SGF29: variants seen among roughly 807,000 people sequenced by gnomAD.
SGF29 encodes SAGA complex associated factor 29, also known as SAGA-associated factor 29.
Under a neutral mutation model 38.1 loss-of-function variants are expected in SGF29, and 15 were observed. The ratio of observed to expected loss-of-function variants is 0.39; its 90% CI spans 0.26 to 0.61. The LOEUF (loss-of-function observed/expected upper bound fraction) is 0.61, where lower values mean the gene tolerates loss of function less well. Ranked by LOEUF, SGF29 falls within the 20% of genes least tolerant of loss-of-function variation. The probability of loss-of-function intolerance (pLI) is 0.49; values close to 1 mark genes in which losing one functional copy is unlikely to be tolerated. For synonymous variants in SGF29, 151 were observed against 160.8 expected (o/e 0.94, Z 0.46); for missense variants, 184 against 394.6 (o/e 0.47, Z 4.52).
Position 28,590,710 on chromosome 16 carries a change from C to G in SGF29, c.602+44C>G. 6.2e-7 allele frequency: 1 copy of G among 1,614,048 alleles called. No homozygotes were observed. The highest frequency in any genetic ancestry group is 8.5e-7 in the Non-Finnish European group (1 of 1,179,956). ...GCAGGGCATGGAGCCTGGGGGCAGC[C>G]TAACAGCTGAGAAGGAGCATCCCCA... On this transcript the variant is annotated intron_variant, in intron 8 of 9. Transcript: ENST00000317058. This position sits in a 1 kb window ranked among gnomAD's most constrained non-coding sequence, Gnocchi z 8.2.
In SGF29 at chr16:28,590,571, A is replaced by G. The variant is rs1264773515; in HGVS notation, c.567-60A>G. ...GAGCACCAGGTCCTCCCCCATCCTC[A>G]CTCCCCAACAGGTACTGCGCCCCTG... On this transcript the variant is annotated intron_variant, in intron 7 of 9. Coordinates refer to ENST00000317058, the MANE Select transcript of SGF29 (RefSeq NM_138414.3). This position sits in a 1 kb window ranked among gnomAD's most constrained non-coding sequence, Gnocchi z 8.2. 1 of 1,611,746 alleles carries G rather than the reference A, an allele frequency of 6.2e-7. No individual in the cohort carries two copies. The highest frequency in any genetic ancestry group is 8.5e-7 in the Non-Finnish European group (1 of 1,179,440).
intron 1 of SGF29, among the ~76,000 whole-genome samples, chr16:28,558,579 T>C (rs1032861050): frequency 3.3e-5 from 5 of 152,184 alleles, no homozygotes; most frequent in African/African-American, 1.2e-4. Flanking sequence ...TTTTGTTAAA[T>C]GCCTTGTCAT....
intron 1 of SGF29, among the ~76,000 whole-genome samples, chr16:28,564,748 T>TATATATGTGTATATATATACAG (rs2046824091): frequency 1.4e-5 from 1 of 70,926 alleles, no homozygotes; most frequent in African/African-American, 5.1e-5. Flanking sequence ...TATATATGTA[T>TATATATGTGTATATATATACAG]ATATATGTAT....
chr16:28,555,730 C>T (rs1262496557), intron 1 of SGF29, among the ~76,000 whole-genome samples: 1 of 152,172 alleles, frequency 6.6e-6, no homozygotes, highest in Non-Finnish European at 1.5e-5. Context: ...TCCCCTAGCC[C>T]AATCAGTTTG....
At position 28,564,688 on chromosome 16, in the gene SGF29, T is replaced by TATATATATATAC. The variant is rs1567285890; in HGVS notation, c.-16+10599_-16+10600insATACATATATAT. Among the ~76,000 whole-genome samples, 286 of 75,396 alleles carry TATATATATATAC rather than the reference T, an allele frequency of 3.8e-3. 17 individuals are homozygous for TATATATATATAC. Among genetic ancestry groups the TATATATATATAC allele is most frequent in the Non-Finnish European group, 6.0e-3 (227 of 38,032 alleles). The allele number at this position is 75,396 out of a possible 152,430, so 49.5% of individuals were successfully genotyped here. A position where few individuals can be genotyped will look rare whatever the true frequency, so the allele number is the denominator to read the frequency against. ...ATGCATATATATGTATATATATGTGTATATATATGTATATATATACATATA... is the reference window on the plus strand; with the variant it reads ...ATGCATATATATGTATATATATGTGTATATATATATACATATATATGTATATATATACATATA... On this transcript the variant is annotated intron_variant, in intron 1 of 9. Coordinates refer to ENST00000317058, the MANE Select transcript of SGF29 (RefSeq NM_138414.3).
intron 1 of SGF29, among the ~76,000 whole-genome samples, chr16:28,565,359 TAG>T (rs2046829945): frequency 6.6e-6 from 1 of 152,078 alleles, no homozygotes; most frequent in Admixed American, 6.6e-5. Context: ...CCTGGAAATC[TAG>T]AGAGTGGAGC....
At chr16:28,586,922 A>T (rs1735869196) in intron 4 of SGF29, among the ~76,000 whole-genome samples, 1 of 152,118 alleles carries the variant, frequency 6.6e-6, no homozygotes, top group African/African-American at 2.4e-5. Context: ...ATCATGGCTC[A>T]CTTCAGCCTC....
intron 1 of SGF29, among the ~76,000 whole-genome samples, chr16:28,578,715 G>A (rs1449107307): frequency 1.3e-5 from 2 of 151,380 alleles, no homozygotes; most frequent in Non-Finnish European, 2.9e-5. Flanking sequence ...GGGCGAGGTG[G>A]GTGGATCACG....
At chr16:28,585,569 G>A (rs1244077969) in intron 3 of SGF29, 79 bp from the exon 4 acceptor site, 16 of 1,281,476 alleles carry the variant, frequency 1.2e-5, no homozygotes, top group Middle Eastern at 1.8e-4. Flanking sequence ...CCACGAGTGT[G>A]ATTCCGGTGC....
intron 1 of SGF29, among the ~76,000 whole-genome samples, chr16:28,560,386 C>G (rs574196690): frequency 3.4e-5 from 5 of 148,154 alleles, no homozygotes; most frequent in Non-Finnish European, 5.9e-5. Flanking sequence ...GTCAGGAGTT[C>G]GAGACCAGCC....
intron 1 of SGF29, 118 bp downstream of exon 1, chr16:28,554,215 G>C (rs1488848708): frequency 6.9e-6 from 1 of 145,112 alleles, no homozygotes; most frequent in Admixed American, 6.8e-5. Flanking sequence ...GGGGCGGTGC[G>C]CACGCGCTCT....
At chr16:28,587,986 G>A (rs2046964738) in intron 4 of SGF29, among the ~76,000 whole-genome samples, 1 of 152,070 alleles carries the variant, frequency 6.6e-6, no homozygotes, top group Non-Finnish European at 1.5e-5. Context: ...TTTTAGTAGA[G>A]AAGGAGTTTC....
chr16:28,568,657 G>A (rs984942294), intron 1 of SGF29, among the ~76,000 whole-genome samples: 1 of 152,116 alleles, frequency 6.6e-6, no homozygotes, highest in African/African-American at 2.4e-5. Context: ...GCTCACGCCT[G>A]TAATGCCAGC....
At chr16:28,585,851 T>A in intron 4 of SGF29, 131 bp downstream of exon 4, 1 of 830,090 alleles carries the variant, frequency 1.2e-6, no homozygotes, top group East Asian at 2.6e-5. Flanking sequence ...AGCCTCTCGC[T>A]TGGGTCCCGC....
In SGF29 at chr16:28,590,229, A is replaced by G; in HGVS notation, c.419+4A>G. ...GGATCGGGAAGCCTGGTGACAAGTG[A>G]GGGCAGCAGCTGCGAGGGAGGGGCT... is the stretch of plus-strand genomic sequence containing the variant. On this transcript the variant is annotated splice_donor_region_variant and intron_variant, in intron 6 of 9. Coordinates refer to ENST00000317058, the MANE Select transcript of SGF29 (RefSeq NM_138414.3). This position sits in a 1 kb window ranked among gnomAD's most constrained non-coding sequence, Gnocchi z 8.2. 2 of 1,610,504 alleles carry G rather than the reference A, an allele frequency of 1.2e-6. No individual in the cohort carries two copies. The highest frequency in any genetic ancestry group is 1.7e-6 in the Non-Finnish European group (2 of 1,178,702).
intron 9 of SGF29, 129 bp downstream of exon 9, chr16:28,591,064 A>T: frequency 8.4e-7 from 1 of 1,189,796 alleles, no homozygotes; most frequent in South Asian, 1.6e-5. Context: ...AGGACCCACC[A>T]GCTGCCCTCC....
intron 1 of SGF29, among the ~76,000 whole-genome samples, chr16:28,573,538 G>T (rs1332863149): frequency 6.6e-6 from 1 of 152,174 alleles, no homozygotes; most frequent in Non-Finnish European, 1.5e-5. Context: ...AGAGGTGGGG[G>T]CCTCTAAAGG....
chr16:28,570,540 T>A (rs1014501121), intron 1 of SGF29, among the ~76,000 whole-genome samples: 9 of 147,572 alleles, frequency 6.1e-5, no homozygotes, highest in Middle Eastern at 3.2e-3. Flanking sequence ...TTGATTTTTT[T>A]AAATTTTATT....
At chr16:28,554,199 G>A (rs1360743014) in intron 1 of SGF29, 102 bp downstream of exon 1, 1 of 151,376 alleles carries the variant, frequency 6.6e-6, no homozygotes, top group Non-Finnish European at 1.5e-5. Flanking sequence ...CTGAGGCGGC[G>A]CTCTAGGGGC....
Sources: allele counts gnomAD v4.1 joint callset (sites outside exome capture counted in the v4.1 genomes callset), GRCh38; gene constraint gnomAD v4.1.1; non-coding constraint Gnocchi (gnomAD v3.1); transcripts MANE v1.5; gene names NCBI Gene and HGNC (gene_info 2026-07-23, HGNC 2026-07-21).